Variants in GALNT2 observed in about 807,000 individuals in gnomAD.
GALNT2 encodes UDP-GalNAc:polypeptide N-acetylgalactosaminyltransferase 2.
In GALNT2, 31 loss-of-function variants were observed where a neutral mutation model predicts 81.4. The ratio of observed to expected loss-of-function variants is 0.38; its 90% CI spans 0.29 to 0.51. The LOEUF is 0.51. Among genes scored for constraint, GALNT2 ranks in the 20% least tolerant of loss-of-function variants. The probability of loss-of-function intolerance (pLI) is 0.87; values close to 1 mark genes in which losing one functional copy is unlikely to be tolerated. For missense variants in GALNT2, 629 were observed against 765.7 expected, an observed-to-expected ratio of 0.82 and a Z score of 2.11; for synonymous variants, 303 against 287.4, an observed-to-expected ratio of 1.05 and a Z score of -0.55.
chr1:230,278,111 T>C lies in GALNT2; in HGVS notation c.1561-1192T>C, dbSNP rs1316418747. Among the ~76,000 whole-genome samples the C allele has an allele frequency of 1.7e-4, 26 of 148,702 alleles. No homozygotes were observed. The Admixed American group carries it at 1.8e-3, about 10-fold the overall frequency. ...AAAGGGGGATTTTTCTGTTTTTCTT[T>C]CTTTTTTTTTTTTTTTTTAAGAGAC... On this transcript the variant is annotated intron_variant, in intron 15 of 15. Coordinates refer to ENST00000366672, the MANE Select transcript of GALNT2 (RefSeq NM_004481.5).
chr1:230,150,550 T>C (rs1028354928), intron 1 of GALNT2, among the ~76,000 whole-genome samples: 6 of 152,212 alleles, frequency 3.9e-5, no homozygotes, highest in Non-Finnish European at 8.8e-5. Context: ...AGTTGGAAAT[T>C]GGGGAGGGAT....
At chr1:230,069,453 G>A (rs1405622197) in intron 1 of GALNT2, among the ~76,000 whole-genome samples, 1 of 152,132 alleles carries the variant, frequency 6.6e-6, no homozygotes, top group Non-Finnish European at 1.5e-5. Flanking sequence ...GGATGCTTTA[G>A]TGATTTGTCG....
At chr1:230,105,539 G>A (rs993699176) in intron 1 of GALNT2, among the ~76,000 whole-genome samples, 12 of 152,184 alleles carry the variant, frequency 7.9e-5, no homozygotes, top group African/African-American at 2.9e-4. Flanking sequence ...GATGGTCCCT[G>A]CGGTTCAGTG....
At chr1:230,273,663 T>A (rs1355669276) in intron 14 of GALNT2, among the ~76,000 whole-genome samples, 2 of 152,166 alleles carry the variant, frequency 1.3e-5, no homozygotes, top group African/African-American at 4.8e-5. Flanking sequence ...AGCCTTTAAC[T>A]TGTGTGTGTT....
chr1:230,279,293 T>C lies in GALNT2; in HGVS notation c.1561-10T>C. ...GCCCACACTCTAAGGCACTCTCCTG[T>C]GTCTTGCAGAAATGGGAACAGATCG... On this transcript the variant is annotated splice_polypyrimidine_tract_variant and intron_variant, in intron 15 of 15. Coordinates refer to ENST00000366672, the MANE Select transcript of GALNT2 (RefSeq NM_004481.5). The surrounding 1 kb of genome is among the most constrained non-coding windows in gnomAD (Gnocchi z 4.6). 1 of 1,612,980 alleles carries C rather than the reference T, an allele frequency of 6.2e-7. No homozygotes were observed. Among genetic ancestry groups the C allele is most frequent in the Non-Finnish European group, 8.5e-7 (1 of 1,179,240 alleles).
rs561360508 is a variant in GALNT2, at chr1:230,265,744, C to A, written c.1440+377C>A. ...GCCCCAGAATATGATGTCTACACCT[C>A]CTGCCTGGTATGCCTATACAACAGA... On this transcript the variant is annotated intron_variant, in intron 14 of 15. Coordinates refer to ENST00000366672, the MANE Select transcript of GALNT2 (RefSeq NM_004481.5). 4.6e-5 allele frequency among the ~76,000 whole-genome samples: 7 copies of A among 152,346 alleles called. No homozygotes were observed. The East Asian group carries it at 1.2e-3, about 25-fold the overall frequency.
chr1:230,273,886 G>C (rs1666215362), intron 14 of GALNT2, among the ~76,000 whole-genome samples: 1 of 152,180 alleles, frequency 6.6e-6, no homozygotes. Context: ...CCAGTTTTCA[G>C]AGGGCTTCAT....
chr1:230,081,619 A>G (rs776483531), intron 1 of GALNT2, among the ~76,000 whole-genome samples: 34 of 152,340 alleles, frequency 2.2e-4, no homozygotes, highest in Non-Finnish European at 4.7e-4. Flanking sequence ...TGGCAATGCA[A>G]CAAAGCCCCC....
intron 6 of GALNT2, among the ~76,000 whole-genome samples, chr1:230,241,162 C>T (rs913773055): frequency 1.1e-4 from 16 of 152,200 alleles, no homozygotes; most frequent in African/African-American, 3.9e-4. Flanking sequence ...TTTAAATCCT[C>T]CCCTGCTAAT....
intron 9 of GALNT2, among the ~76,000 whole-genome samples, 175 bp downstream of exon 9, chr1:230,249,446 C>T (rs1665476628): frequency 6.6e-6 from 1 of 152,160 alleles, no homozygotes; most frequent in Non-Finnish European, 1.5e-5. Flanking sequence ...GAATAAAATC[C>T]TTGGAGATTT....
intron 1 of GALNT2, among the ~76,000 whole-genome samples, chr1:230,167,974 T>C (rs1257354785): frequency 6.6e-6 from 1 of 152,126 alleles, no homozygotes; most frequent in East Asian, 1.9e-4. Context: ...CCCCCCTTTT[T>C]TTTGTAAAGA....
At position 230,257,561 on chromosome 1, in the gene GALNT2, C is replaced by T. The variant is rs1665750823; in HGVS notation, c.1136+2217C>T. ...AGAAGCAATAGGCTGTACCATGTAG[C>T]CTAGGTGTATATTAAGGATACACCA... On this transcript the variant is annotated intron_variant, in intron 11 of 15. Coordinates refer to ENST00000366672, the MANE Select transcript of GALNT2 (RefSeq NM_004481.5). The surrounding 1 kb of genome is among the most constrained non-coding windows in gnomAD (Gnocchi z 4.6). Among the ~76,000 whole-genome samples the T allele has an allele frequency of 6.6e-6, 1 of 152,194 alleles. No homozygotes were observed. Among genetic ancestry groups the T allele is most frequent in the Non-Finnish European group, 1.5e-5 (1 of 68,036 alleles).
At chr1:230,223,234 C>G (rs1318384145) in intron 3 of GALNT2, among the ~76,000 whole-genome samples, 2 of 150,166 alleles carry the variant, frequency 1.3e-5, no homozygotes, top group African/African-American at 4.9e-5. Flanking sequence ...ACTGTGTTGC[C>G]CAGGCTGTCC....
intron 2 of GALNT2, among the ~76,000 whole-genome samples, chr1:230,201,581 G>C (rs1175428136): frequency 2.0e-5 from 3 of 152,200 alleles, no homozygotes; most frequent in Non-Finnish European, 4.4e-5. Flanking sequence ...ATCATACCGT[G>C]TTTTCAAGGT....
At chr1:230,129,374 G>C (rs1401874404) in intron 1 of GALNT2, among the ~76,000 whole-genome samples, 1 of 152,164 alleles carries the variant, frequency 6.6e-6, no homozygotes, top group Non-Finnish European at 1.5e-5. Context: ...CTAGAATGCA[G>C]AGGCGTGATC....
At chr1:230,197,061 CT>C (rs1014423016) in intron 2 of GALNT2, among the ~76,000 whole-genome samples, 9 of 152,080 alleles carry the variant, frequency 5.9e-5, no homozygotes, top group African/African-American at 2.2e-4. Flanking sequence ...GACTATTCCT[CT>C]TTCAAGCACT....
At chr1:230,202,135 G>A (rs571762331) in intron 2 of GALNT2, among the ~76,000 whole-genome samples, 4 of 152,156 alleles carry the variant, frequency 2.6e-5, no homozygotes, top group Non-Finnish European at 4.4e-5. Context: ...AATGAATAGC[G>A]TATCCGAGAT....
intron 1 of GALNT2, among the ~76,000 whole-genome samples, chr1:230,142,150 C>G (rs760490417): frequency 7.2e-5 from 11 of 152,044 alleles, no homozygotes; most frequent in Non-Finnish European, 1.5e-4. Flanking sequence ...GGATTAGGAC[C>G]TCCTGTGGAG....
chr1:230,084,885 A>G (rs924698029), intron 1 of GALNT2, among the ~76,000 whole-genome samples: 6 of 152,174 alleles, frequency 3.9e-5, no homozygotes, highest in Non-Finnish European at 8.8e-5. Flanking sequence ...TGCAGGGTGA[A>G]CATGGGATTA....
Sources: gnomAD v4.1 joint callset for allele counts (sites outside exome capture counted in the v4.1 genomes callset) on GRCh38, gnomAD v4.1.1 for gene constraint, Gnocchi (gnomAD v3.1) non-coding constraint, MANE v1.5 for transcripts, NCBI Gene and HGNC (gene_info 2026-07-23, HGNC 2026-07-21) for gene names.